SOS1: variants seen among roughly 807,000 people sequenced by gnomAD.
The protein encoded by SOS1 is SOS Ras/Rac guanine nucleotide exchange factor 1.
In SOS1, 25 loss-of-function variants were observed where a neutral mutation model predicts 157.6. The ratio of observed to expected loss-of-function variants is 0.16; its 90% confidence interval spans 0.12 to 0.22. The LOEUF (loss-of-function observed/expected upper bound fraction) is 0.22, where lower values mean the gene tolerates loss of function less well. Ranked by LOEUF, SOS1 falls within the 10% of genes least tolerant of loss-of-function variation. The pLI is 1.00. For synonymous variants in SOS1, 528 were observed against 534.0 expected (o/e 0.99, Z 0.16); for missense variants, 1,237 against 1,599.1 (o/e 0.77, Z 3.86).
chr2:39,006,552 T>TA (rs1244308101), intron 16 of SOS1, 23 bp from the exon 17 acceptor site: 2 of 1,194,340 alleles, frequency 1.7e-6, no homozygotes, highest in East Asian at 2.3e-5. Context: ...AAAATAGGCG[T>TA]AAGTTTACAA....
In SOS1 at chr2:39,022,844, G is replaced by T. The variant is rs1453755368; in HGVS notation, c.1584C>A (p.Ala528=). The change falls in exon 10 of 23, where the codon GCC becomes GCA. Residue 528 remains alanine (A), a synonymous_variant. Coordinates refer to ENST00000402219, the MANE Select transcript of SOS1 (RefSeq NM_005633.4). ...AATTGTTTTTCTCTTCAGCTGACTT[G>T]GCAGAAAATATAACACTATTTTCAT... ...LKDENSVIFS[A]KSAEEKNNWM... 6.2e-7 allele frequency: 1 copy of T among 1,613,136 alleles called. No homozygotes were observed. The highest frequency in any genetic ancestry group is 2.2e-5 in the East Asian group (1 of 44,866).
intron 6 of SOS1, among the ~76,000 whole-genome samples, chr2:39,037,087 G>A (rs1000023952): frequency 1.2e-4 from 18 of 152,228 alleles, no homozygotes; most frequent in Admixed American, 1.0e-3. Flanking sequence ...AGTCATACTG[G>A]ATTCCTTGAG....
intron 14 of SOS1, 82 bp downstream of exon 14, chr2:39,012,044 C>T: frequency 9.7e-7 from 1 of 1,032,928 alleles, no homozygotes; most frequent in Non-Finnish European, 1.5e-6. Context: ...TTATGAAAAC[C>T]CTATAAGGCA....
chr2:39,116,064 A>G (rs997784917), intron 1 of SOS1, among the ~76,000 whole-genome samples: 5 of 152,250 alleles, frequency 3.3e-5, no homozygotes, highest in South Asian at 2.1e-4. Context: ...ACATTCATGT[A>G]TAAGTCTTTG....
At chr2:39,002,860 T>A (rs1669149473) in intron 17 of SOS1, among the ~76,000 whole-genome samples, 3 of 151,844 alleles carry the variant, frequency 2.0e-5, no homozygotes, top group Admixed American at 2.0e-4. Context: ...AGCTCAGGAG[T>A]TCGAGACCAG....
intron 6 of SOS1, among the ~76,000 whole-genome samples, chr2:39,048,980 C>T (rs544461552): frequency 1.2e-4 from 18 of 152,148 alleles, no homozygotes; most frequent in Admixed American, 5.2e-4. Context: ...GGCAGTGGTG[C>T]GATCTCGGCT....
In SOS1 at chr2:39,113,216, A is replaced by G. The variant is rs569922920; in HGVS notation, c.87+7120T>C. On this transcript the variant is annotated intron_variant, in intron 1 of 22. Transcript: ENST00000402219. ...TATTCATTAATGTATTTAGAGACAC[A>G]GTCTCACTCTGTAACCCAGGCTGGA... Among the ~76,000 whole-genome samples the G allele has an allele frequency of 1.2e-4, 18 of 152,240 alleles. No individual in the cohort carries two copies. The South Asian group carries it at 2.1e-3, about 18-fold the overall frequency.
chr2:39,083,269 G>A (rs1048192464), intron 1 of SOS1, among the ~76,000 whole-genome samples: 1 of 152,048 alleles, frequency 6.6e-6, no homozygotes, highest in Non-Finnish European at 1.5e-5. Flanking sequence ...GTGGACAGGA[G>A]CAATTTAAAG....
chr2:39,069,729 G>C (rs1671734261), intron 1 of SOS1, among the ~76,000 whole-genome samples: 1 of 152,038 alleles, frequency 6.6e-6, no homozygotes, highest in Non-Finnish European at 1.5e-5. Flanking sequence ...TGTATTTTTA[G>C]TGGAGACGGG....
chr2:39,082,666 T>A (rs976398943), intron 1 of SOS1: 1 of 152,194 alleles, frequency 6.6e-6, no homozygotes, highest in Non-Finnish European at 1.5e-5. Context: ...GGATGACATG[T>A]ATATTTGTGA....
Position 39,120,375 on chromosome 2 carries a change from C to T in SOS1, c.48G>A (p.Ala16=), listed in dbSNP as rs762183625. The change falls in exon 1 of 23, where the codon GCG becomes GCA. Residue 16 remains alanine, a synonymous_variant. Transcript: ENST00000402219. ...GCACCAGTAGTCCCCGCCACTTGGG[C>T]GCGTTCTCTTCGCTGAAAAACTCGT... ...LPYEFFSEEN[A]PKWRGLLVPA... is the part of the protein sequence containing the mutation. 11 of 1,602,134 alleles carry T rather than the reference C, an allele frequency of 6.9e-6. No homozygotes were observed. The highest frequency in any genetic ancestry group is 3.3e-5 in the South Asian group (3 of 89,752).
intron 1 of SOS1, among the ~76,000 whole-genome samples, chr2:39,095,477 G>C (rs1159867143): frequency 6.6e-6 from 1 of 152,186 alleles, no homozygotes; most frequent in Non-Finnish European, 1.5e-5. Flanking sequence ...AGGTTATCAA[G>C]AGAACTAACA....
intron 8 of SOS1, among the ~76,000 whole-genome samples, chr2:39,029,295 A>T (rs1670076536): frequency 6.6e-6 from 1 of 152,202 alleles, no homozygotes; most frequent in Non-Finnish European, 1.5e-5. Flanking sequence ...AAACATCACT[A>T]ACTACAAATG....
At position 38,986,062 on chromosome 2, in the gene SOS1, G is replaced by T; in HGVS notation, c.3764C>A (p.Pro1255His). The T allele has an allele frequency of 6.2e-7, 1 of 1,613,972 alleles. No homozygotes were observed. The highest frequency in any genetic ancestry group is 1.7e-4 in the Middle Eastern group (1 of 6,058). The stretch of plus-strand genomic sequence containing the variant: ...TGTTTGAGGAGGAGGTGGTGTAAAG[G>T]GGGAAGGGCTGTTTGGGAAGAAGGC... ...GNAFFPNSPS[P>H]FTPPPPQTPS... Residue 1255 changes from proline to histidine, a missense_variant, in exon 23 of 23, where the codon CCC becomes CAC. Around this residue, in one of 15 missense-constraint regions of SOS1, gnomAD observed 306 missense variants for 322.6 expected, o/e 0.95. Coordinates refer to ENST00000402219, the MANE Select transcript of SOS1 (RefSeq NM_005633.4).
intron 1 of SOS1, among the ~76,000 whole-genome samples, chr2:39,107,105 G>C (rs1673222820): frequency 6.6e-6 from 1 of 151,656 alleles, no homozygotes; most frequent in African/African-American, 2.4e-5. Context: ...TTAAATACAG[G>C]GGTTTTTTGG....
At chr2:39,042,809 G>A (rs1270496186) in intron 6 of SOS1, among the ~76,000 whole-genome samples, 2 of 150,058 alleles carry the variant, frequency 1.3e-5, no homozygotes, top group Non-Finnish European at 2.9e-5. Flanking sequence ...AGTGAATGCA[G>A]TCTTTAAAAA....
intron 1 of SOS1, among the ~76,000 whole-genome samples, chr2:39,080,332 A>C (rs937055620): frequency 1.4e-4 from 21 of 152,096 alleles, no homozygotes; most frequent in African/African-American, 5.1e-4. Flanking sequence ...TTTTGGCGGT[A>C]ATGCGAATGA....
At chr2:39,008,287 C>T (rs1165117337) in intron 15 of SOS1, among the ~76,000 whole-genome samples, 2 of 152,130 alleles carry the variant, frequency 1.3e-5, no homozygotes, top group Non-Finnish European at 2.9e-5. Flanking sequence ...GTAAGAAGAC[C>T]TCAGGCTGCA....
upstream of SOS1, among the ~76,000 whole-genome samples, chr2:39,123,775 C>CA (rs1413155164): frequency 6.6e-6 from 1 of 152,220 alleles, no homozygotes; most frequent in Non-Finnish European, 1.5e-5. Context: ...AATGTGCATG[C>CA]AGGAAAGTTC....
Sources: gnomAD v4.1 joint callset for allele counts (sites outside exome capture counted in the v4.1 genomes callset) on GRCh38, gnomAD v4.1.1 for gene constraint, gnomAD v4.1.1 regional missense constraint, MANE v1.5 for transcripts, NCBI Gene and HGNC (gene_info 2026-07-23, HGNC 2026-07-21) for gene names.